The following GALNTL6 variants were observed in gnomAD, a reference collection of about 807,000 sequenced individuals.
GALNTL6 encodes polypeptide N-acetylgalactosaminyltransferase like 6, also known as polypeptide N-acetylgalactosaminyltransferase-like 6.
In GALNTL6, 46 loss-of-function variants were observed where a neutral mutation model predicts 73.7. That is an observed-to-expected ratio of 0.62 (90% CI 0.49 to 0.80). The LOEUF (loss-of-function observed/expected upper bound fraction) is 0.80, where lower values mean the gene tolerates loss of function less well. GALNTL6 is among the 30% of genes least tolerant of loss of function. GALNTL6 has a pLI of 0.00. For missense variants in GALNTL6, 604 were observed against 755.0 expected (o/e 0.80, Z 2.34); for synonymous variants, 259 against 263.7 (o/e 0.98, Z 0.17).
intron 7 of GALNTL6, among the ~76,000 whole-genome samples, chr4:172,815,917 G>A (rs1465589642): frequency 1.3e-5 from 2 of 152,098 alleles, no homozygotes; most frequent in Non-Finnish European, 2.9e-5. Flanking sequence ...CTTATAAACC[G>A]TGTTTGCCTT....
intron 5 of GALNTL6, among the ~76,000 whole-genome samples, chr4:172,699,331 T>C (rs1733889667): frequency 6.6e-6 from 1 of 152,192 alleles, no homozygotes; most frequent in African/African-American, 2.4e-5. Context: ...TTCATAAATG[T>C]ATGTGTGTGT....
intron 2 of GALNTL6, among the ~76,000 whole-genome samples, chr4:171,909,067 C>T (rs1445871971): frequency 1.0e-4 from 15 of 150,200 alleles, no homozygotes; most frequent in East Asian, 7.8e-4. Flanking sequence ...GTGGGTGCAG[C>T]GCACCAGCAT....
At chr4:171,853,818 G>A (rs1735601334) in intron 2 of GALNTL6, among the ~76,000 whole-genome samples, 1 of 151,586 alleles carries the variant, frequency 6.6e-6, no homozygotes. Flanking sequence ...CACCATGTTG[G>A]CCAGGCTGGC....
intron 2 of GALNTL6, among the ~76,000 whole-genome samples, chr4:172,171,761 G>A (rs539545066): frequency 2.0e-5 from 3 of 151,696 alleles, no homozygotes; most frequent in East Asian, 1.9e-4. Flanking sequence ...GAAGGCACAC[G>A]TTGCAGTGAG....
chr4:171,873,914 A>G lies in GALNTL6; in HGVS notation c.138+59196A>G, dbSNP rs545533583. On this transcript the variant is annotated intron_variant, in intron 2 of 12. Transcript: ENST00000506823. ...CTATTAGGTTATTGAAATGTCAAAA[A>G]TCTTTCAATTTGAGGGAAAGAAACT... Among the ~76,000 whole-genome samples the G allele has an allele frequency of 3.3e-5, 5 of 152,292 alleles. No individual in the cohort carries two copies. The South Asian group carries it at 1.0e-3, about 32-fold the overall frequency.
chr4:172,456,469 A>G (rs983973725), intron 5 of GALNTL6, among the ~76,000 whole-genome samples: 3 of 151,906 alleles, frequency 2.0e-5, no homozygotes, highest in Non-Finnish European at 2.9e-5. Context: ...AGTTACAAAA[A>G]TTGCTGATTA....
chr4:172,225,757 A>AAAATAAAT (rs569716878), intron 2 of GALNTL6, among the ~76,000 whole-genome samples: 1,552 of 151,970 alleles, frequency 0.01, 22 homozygotes, highest in African/African-American at 0.035. Context: ...CCCAGTTTCA[A>AAAATAAAT]AAATAAATAA....
In GALNTL6 at chr4:172,980,906, A is replaced by G. The variant is rs186357921; in HGVS notation, c.1372-28272A>G. On this transcript the variant is annotated intron_variant, in intron 10 of 12. Transcript: ENST00000506823. ...TTCCATTCTACTTTTGTTTCTATCA[A>G]TTTGACTGTTTCAGGTACCTCACAT... 2.2e-4 allele frequency among the ~76,000 whole-genome samples: 34 copies of G among 152,312 alleles called. 1 individual carries two copies. In the East Asian group the frequency reaches 6.6e-3, roughly 29 times the overall value.
intron 2 of GALNTL6, among the ~76,000 whole-genome samples, chr4:171,989,300 A>G (rs1005076316): frequency 2.0e-5 from 3 of 152,200 alleles, no homozygotes; most frequent in South Asian, 2.1e-4. Context: ...GTCTTCAGCC[A>G]CGAAGCCGAG....
chr4:171,905,687 T>C (rs1737254211), intron 2 of GALNTL6, among the ~76,000 whole-genome samples: 1 of 150,490 alleles, frequency 6.6e-6, no homozygotes, highest in Non-Finnish European at 1.5e-5. Context: ...CAACAGAATA[T>C]ATGTTTTTTT....
intron 2 of GALNTL6, among the ~76,000 whole-genome samples, chr4:171,930,554 G>A (rs1398297527): frequency 6.6e-6 from 1 of 152,120 alleles, no homozygotes; most frequent in Admixed American, 6.6e-5. Context: ...CAGGAACAAG[G>A]CCAGGCATGG....
intron 3 of GALNTL6, 43 bp downstream of exon 3, chr4:172,229,807 C>A: frequency 1.7e-6 from 2 of 1,182,440 alleles, no homozygotes; most frequent in Non-Finnish European, 2.5e-6. Flanking sequence ...TCACTCGCAG[C>A]AGTGTCTCAT....
chr4:172,717,434 A>G (rs551844781), intron 5 of GALNTL6, among the ~76,000 whole-genome samples: 1 of 152,348 alleles, frequency 6.6e-6, no homozygotes, highest in African/African-American at 2.4e-5. Flanking sequence ...CGCAGTCCAC[A>G]TGAACTATAG....
intron 5 of GALNTL6, chr4:172,545,721 C>T (rs13130915): frequency 0.19 from 29,237 of 152,130 alleles, 3,637 homozygotes; most frequent in Non-Finnish European, 0.3. Flanking sequence ...TTGCTAAAAG[C>T]ATGGTGAATG....
chr4:171,892,546 A>T (rs1736792877), intron 2 of GALNTL6, among the ~76,000 whole-genome samples: 1 of 152,180 alleles, frequency 6.6e-6, no homozygotes, highest in African/African-American at 2.4e-5. Flanking sequence ...TAACAATAAC[A>T]TTTATAATAT....
chr4:172,366,976 G>A (rs1381801723), intron 5 of GALNTL6, among the ~76,000 whole-genome samples: 1 of 152,152 alleles, frequency 6.6e-6, no homozygotes, highest in African/African-American at 2.4e-5. Flanking sequence ...TTCCACCAAG[G>A]AATTAGAATT....
intron 2 of GALNTL6, among the ~76,000 whole-genome samples, chr4:171,921,639 G>A (rs1041195042): frequency 2.0e-5 from 3 of 152,076 alleles, no homozygotes; most frequent in South Asian, 2.1e-4. Context: ...TATGAAATTC[G>A]TCAATTGATT....
chr4:171,992,111 A>C (rs1294613423), intron 2 of GALNTL6, among the ~76,000 whole-genome samples: 1 of 151,980 alleles, frequency 6.6e-6, no homozygotes, highest in Non-Finnish European at 1.5e-5. Flanking sequence ...GCAATTCATG[A>C]CTCAGATATC....
At chr4:172,231,137 G>A (rs954021841) in intron 3 of GALNTL6, among the ~76,000 whole-genome samples, 4 of 152,030 alleles carry the variant, frequency 2.6e-5, no homozygotes, top group Non-Finnish European at 5.9e-5. Context: ...GTGAAAATGA[G>A]TTCCTTACCA....
Sources: gnomAD v4.1 joint callset for allele counts (sites outside exome capture counted in the v4.1 genomes callset) on GRCh38, gnomAD v4.1.1 for gene constraint, MANE v1.5 for transcripts, NCBI Gene and HGNC (gene_info 2026-07-23, HGNC 2026-07-21) for gene names.